The following MAPK1IP1L variants were observed in gnomAD, a reference collection of about 807,000 sequenced individuals.
The protein encoded by MAPK1IP1L is mitogen-activated protein kinase 1 interacting protein 1 like.
In MAPK1IP1L, 10 loss-of-function variants were observed where a neutral mutation model predicts 18.1. That is an observed-to-expected ratio of 0.55 (90% CI 0.34 to 0.94). The LOEUF is 0.94. Among genes scored for constraint, MAPK1IP1L ranks in the 40% least tolerant of loss-of-function variants. The pLI is 0.02. For synonymous variants in MAPK1IP1L, 115 were observed against 117.3 expected, an observed-to-expected ratio of 0.98 and a Z score of 0.13; for missense variants, 260 against 318.2, an observed-to-expected ratio of 0.82 and a Z score of 1.39.
intron 1 of MAPK1IP1L, among the ~76,000 whole-genome samples, chr14:55,054,376 C>G (rs980598996): frequency 4.6e-5 from 7 of 151,946 alleles, no homozygotes; most frequent in African/African-American, 1.7e-4. Context: ...TTCCTGGCCT[C>G]AAGTAATCCA....
At position 55,068,235 on chromosome 14, in the gene MAPK1IP1L, G is replaced by A. The variant is rs985989494; in HGVS notation, c.*3608G>A. On this transcript the variant is annotated 3_prime_UTR_variant, in exon 4 of 4. Coordinates refer to ENST00000395468, the MANE Select transcript of MAPK1IP1L (RefSeq NM_144578.4). ...GAGAATAGTAATAGGGCAGAGAAAA[G>A]TATATATTTTGCCTCAGTCAGTCCC... 1.3e-5 allele frequency: 2 copies of A among 152,616 alleles called. No individual in the cohort carries two copies. The highest frequency in any genetic ancestry group is 2.4e-5 in the African/African-American group (1 of 41,436). The allele number at this position is 152,616 out of a possible 1,614,324, so 9.5% of individuals were successfully genotyped here. A position where few individuals can be genotyped will look rare whatever the true frequency, so the allele number is the denominator to read the frequency against.
Position 55,068,652 on chromosome 14 carries a change from A to G in MAPK1IP1L, c.*4025A>G, listed in dbSNP as rs2042883812. The stretch of plus-strand genomic sequence containing the variant: ...AAGTTGTAGGTGGCGTTCAGGGAAG[A>G]CTTTGATTTTAATAAAGCAATATTT... On this transcript the variant is annotated 3_prime_UTR_variant, in exon 4 of 4. Transcript: ENST00000395468. 1 of 152,278 alleles carries G rather than the reference A, an allele frequency of 6.6e-6. No individual in the cohort carries two copies. The highest frequency in any genetic ancestry group is 1.5e-5 in the Non-Finnish European group (1 of 68,048). The allele number at this position is 152,278 out of a possible 1,614,324, so 9.4% of individuals were successfully genotyped here.
chr14:55,058,208 CAT>C (rs2042786845), intron 1 of MAPK1IP1L, among the ~76,000 whole-genome samples: 1 of 152,150 alleles, frequency 6.6e-6, no homozygotes, highest in African/African-American at 2.4e-5. Context: ...GGAGAAGACC[CAT>C]AAAGATGGGA....
At position 55,064,717 on chromosome 14, in the gene MAPK1IP1L, T is replaced by G. The variant is rs1386873143; in HGVS notation, c.*90T>G. 3 of 1,250,674 alleles carry G rather than the reference T, an allele frequency of 2.4e-6. No homozygotes were observed. The African/African-American group carries it at 4.5e-5, about 19-fold the overall frequency. The allele number at this position is 1,250,674 out of a possible 1,614,324, so 77.5% of individuals were successfully genotyped here. Reference sequence around the variant, plus strand: ...TATATAAAAATTGCTGGTTTCACTATTAGAGGGCATTCATGAAAGAACAAC... The same window carrying G: ...TATATAAAAATTGCTGGTTTCACTAGTAGAGGGCATTCATGAAAGAACAAC... On this transcript the variant is annotated 3_prime_UTR_variant, in exon 4 of 4. Transcript: ENST00000395468.
rs868415636 is a variant in MAPK1IP1L at position 55,063,086 on chromosome 14, A to G, written c.487A>G (p.Thr163Ala). The G allele has an allele frequency of 1.2e-6, 2 of 1,612,616 alleles. No individual in the cohort carries two copies. The highest frequency in any genetic ancestry group is 1.8e-4 in the Middle Eastern group (1 of 5,428). Residue 163 changes from threonine (T) to alanine (A), a missense_variant, in exon 3 of 4, where the codon ACC becomes GCC. By Grantham distance (58) the Thr-to-Ala change is moderately conservative. Coordinates refer to ENST00000395468, the MANE Select transcript of MAPK1IP1L (RefSeq NM_144578.4). ...GCCAGGAATGGGAGGGCAGTATCCT[A>G]CCCCTAATATGCCATATCCATCTCC... ...WAPGMGGQYP[T>A]PNMPYPSPGP... is the part of the protein sequence containing the mutation.
intron 1 of MAPK1IP1L, among the ~76,000 whole-genome samples, chr14:55,056,592 C>T (rs2042773226): frequency 6.6e-6 from 1 of 152,180 alleles, no homozygotes; most frequent in African/African-American, 2.4e-5. Flanking sequence ...TCACTGCAAG[C>T]TCCGCCTCCT....
intron 1 of MAPK1IP1L, among the ~76,000 whole-genome samples, chr14:55,055,901 G>T (rs2042767639): frequency 6.6e-6 from 1 of 152,186 alleles, no homozygotes; most frequent in Non-Finnish European, 1.5e-5. Context: ...CTGCACTTTA[G>T]CCTGGGTGGC....
chr14:55,067,125 C>T lies in MAPK1IP1L; in HGVS notation c.*2498C>T, dbSNP rs2042869112. 3 of 145,910 alleles carry T rather than the reference C, an allele frequency of 2.1e-5. No individual in the cohort carries two copies. The highest frequency in any genetic ancestry group is 6.9e-5 in the Admixed American group (1 of 14,506). 9.0% of individuals were successfully genotyped at this position (145,910 alleles called of 1,614,324 possible). A position where few individuals can be genotyped will look rare whatever the true frequency, so the allele number is the denominator to read the frequency against. On this transcript the variant is annotated 3_prime_UTR_variant, in exon 4 of 4. Transcript: ENST00000395468. ...TTCACTGTGTTAGCCAGGATGGTCTCGATCTCCTGACCTCGTGATCTGCCC... is the reference window on the plus strand; with the variant it reads ...TTCACTGTGTTAGCCAGGATGGTCTTGATCTCCTGACCTCGTGATCTGCCC...
chr14:55,051,824 G>T (rs930749398), intron 1 of MAPK1IP1L, 21 bp downstream of exon 1: 1 of 472,002 alleles, frequency 2.1e-6, no homozygotes, highest in Admixed American at 2.1e-5. Flanking sequence ...TTCGGTACTA[G>T]TGGGAGTCGT....
rs151278097 is a variant in MAPK1IP1L at position 55,066,510 on chromosome 14, A to G, written c.*1883A>G. The G allele has an allele frequency of 1.3e-5, 2 of 152,370 alleles. No homozygotes were observed. The highest frequency in any genetic ancestry group is 4.8e-5 in the African/African-American group (2 of 41,588). The allele number at this position is 152,370 out of a possible 1,614,324, so 9.4% of individuals were successfully genotyped here. A position where few individuals can be genotyped will look rare whatever the true frequency, so the allele number is the denominator to read the frequency against. On this transcript the variant is annotated 3_prime_UTR_variant, in exon 4 of 4. Transcript: ENST00000395468. ...AAGGCAGGTAGCCTTGGCTTGAATT[A>G]TCAATATCAAAATGTCAGTTAACCA...
intron 1 of MAPK1IP1L, among the ~76,000 whole-genome samples, chr14:55,054,515 C>T (rs1226834061): frequency 6.6e-6 from 1 of 152,142 alleles, no homozygotes; most frequent in Non-Finnish European, 1.5e-5. Flanking sequence ...ATTTTGATTT[C>T]GCTTAATTTC....
chr14:55,059,297 C>G (rs1208636140), intron 1 of MAPK1IP1L, among the ~76,000 whole-genome samples: 4 of 146,152 alleles, frequency 2.7e-5, no homozygotes, highest in Admixed American at 6.9e-5. Context: ...TGTAAAGCTT[C>G]TGTAATTAAA....
chr14:55,054,139 A>G (rs1174878360), intron 1 of MAPK1IP1L, among the ~76,000 whole-genome samples: 1 of 151,840 alleles, frequency 6.6e-6, no homozygotes, highest in Admixed American at 6.6e-5. Flanking sequence ...AGCCAATACT[A>G]AAAACTAGCA....
Position 55,063,116 on chromosome 14 carries a change from C to T in MAPK1IP1L, c.517C>T (p.Pro173Ser), listed in dbSNP as rs759458746. The T allele has an allele frequency of 1.5e-5, 25 of 1,613,408 alleles. 1 individual carries two copies. The South Asian group carries it at 2.7e-4, about 18-fold the overall frequency. Residue 173 changes from proline (P) to serine (S), a missense_variant, in exon 3 of 4, where the codon CCA becomes TCA. Physicochemically the swap from Pro to Ser is moderately conservative, Grantham distance 74 (BLOSUM62 -1). Transcript: ENST00000395468. The part of the protein sequence containing the change: ...TPNMPYPSPG[P>S]YPAPPPPQAP... The stretch of plus-strand genomic sequence containing the variant: ...TAATATGCCATATCCATCTCCAGGC[C>T]CATATCCCGCTCCTCCTCCTCCCCA...
At chr14:55,056,275 A>G (rs1364023605) in intron 1 of MAPK1IP1L, among the ~76,000 whole-genome samples, 1 of 152,222 alleles carries the variant, frequency 6.6e-6, no homozygotes, top group Non-Finnish European at 1.5e-5. Context: ...AGGTAACTGT[A>G]TAATTCTGAA....
intron 1 of MAPK1IP1L, among the ~76,000 whole-genome samples, chr14:55,059,225 G>GAAAAAAAAAAAAAAAAAAAAGAAAATCTA (rs2042796450): frequency 1.6e-5 from 1 of 63,278 alleles, no homozygotes; most frequent in Admixed American, 2.0e-4. Context: ...AGGAAAATCT[G>GAAAAAAAAAAAAAAAAAAAAGAAAATCTA]AAAAAAAAAA....
intron 1 of MAPK1IP1L, among the ~76,000 whole-genome samples, chr14:55,056,657 C>T (rs2042773993): frequency 6.6e-6 from 1 of 151,994 alleles, no homozygotes; most frequent in Non-Finnish European, 1.5e-5. Flanking sequence ...CTACAGGTGC[C>T]CACCATTATG....
At position 55,067,195 on chromosome 14, in the gene MAPK1IP1L, C is replaced by T. The variant is rs1331590044; in HGVS notation, c.*2568C>T. ...CTGGGATTACAGGCGTGAGCCACCACGTCCGGCCGATTTTTTTTTTTTTTT... is the reference window on the plus strand; with the variant it reads ...CTGGGATTACAGGCGTGAGCCACCATGTCCGGCCGATTTTTTTTTTTTTTT... On this transcript the variant is annotated 3_prime_UTR_variant, in exon 4 of 4. Coordinates refer to ENST00000395468, the MANE Select transcript of MAPK1IP1L (RefSeq NM_144578.4). 2 of 129,136 alleles carry T rather than the reference C, an allele frequency of 1.5e-5. No individual in the cohort carries two copies. Among genetic ancestry groups the T allele is most frequent in the Non-Finnish European group, 3.2e-5 (2 of 62,390 alleles). 8.0% of individuals were successfully genotyped at this position (129,136 alleles called of 1,614,324 possible).
chr14:55,062,487 G>A (rs2042825301), intron 2 of MAPK1IP1L, 131 bp from the exon 3 acceptor site: 1 of 734,396 alleles, frequency 1.4e-6, no homozygotes, highest in Non-Finnish European at 2.2e-6. Flanking sequence ...TAAATGACTA[G>A]CTTAGCTTTT....
Sources: gnomAD v4.1 joint callset for allele counts (sites outside exome capture counted in the v4.1 genomes callset) on GRCh38, gnomAD v4.1.1 for gene constraint, MANE v1.5 for transcripts, NCBI Gene and HGNC (gene_info 2026-07-23, HGNC 2026-07-21) for gene names.